SUPT3H: variants seen among roughly 807,000 people sequenced by gnomAD.
SUPT3H encodes the protein transcription initiation protein SPT3 homolog.
A neutral mutation model predicts 44.3 loss-of-function variants in SUPT3H; 44 were observed. That is an observed-to-expected ratio of 0.99 (90% CI 0.78 to 1.28). The LOEUF (loss-of-function observed/expected upper bound fraction) is 1.28, where lower values mean the gene tolerates loss of function less well. Among genes scored for constraint, SUPT3H ranks in the 50% most tolerant of loss-of-function variants. The pLI, the probability that SUPT3H is intolerant of heterozygous loss-of-function variation, is 0.00. For missense variants in SUPT3H, 380 were observed against 387.1 expected (o/e 0.98, Z 0.15); for synonymous variants, 124 against 125.6 (o/e 0.99, Z 0.09).
At chr6:45,150,884 G>C (rs368333049) in intron 2 of SUPT3H, among the ~76,000 whole-genome samples, 1 of 151,780 alleles carries the variant, frequency 6.6e-6, no homozygotes, top group Admixed American at 6.6e-5. Context: ...CACCATGCCC[G>C]GCTAGTTTTT....
At chr6:45,373,905 A>G (rs903775174) in intron 1 of SUPT3H, among the ~76,000 whole-genome samples, 2 of 152,232 alleles carry the variant, frequency 1.3e-5, no homozygotes, top group East Asian at 1.9e-4. Context: ...AATAGTGCCT[A>G]TTATACACTA....
At chr6:44,894,254 T>C (rs1178022200) in intron 10 of SUPT3H, among the ~76,000 whole-genome samples, 1 of 150,656 alleles carries the variant, frequency 6.6e-6, no homozygotes, top group Non-Finnish European at 1.5e-5. Context: ...ATTTTGGCTT[T>C]TGTTGCCATT....
chr6:44,921,883 G>T (rs569305089), intron 10 of SUPT3H, among the ~76,000 whole-genome samples: 40 of 152,300 alleles, frequency 2.6e-4, no homozygotes, highest in South Asian at 1.9e-3. Context: ...CACCAGAGAG[G>T]CACAGCAGCC....
At chr6:45,242,423 A>G (rs770347903) in intron 2 of SUPT3H, among the ~76,000 whole-genome samples, 1 of 152,188 alleles carries the variant, frequency 6.6e-6, no homozygotes, top group Non-Finnish European at 1.5e-5. Context: ...CTAAGTTGAA[A>G]ATGCATAAAG....
intron 2 of SUPT3H, among the ~76,000 whole-genome samples, chr6:45,233,969 A>G (rs1250468228): frequency 6.6e-6 from 1 of 152,226 alleles, no homozygotes; most frequent in Non-Finnish European, 1.5e-5. Flanking sequence ...TACTAAAAAC[A>G]ACTAAAATGG....
chr6:45,120,437 AAAAAG>A (rs1489331317), intron 2 of SUPT3H, among the ~76,000 whole-genome samples: 2 of 148,784 alleles, frequency 1.3e-5, no homozygotes, highest in African/African-American at 4.9e-5. Context: ...AAAAAAAAAA[AAAAAG>A]ACTATATAAG....
At chr6:45,092,940 G>A (rs894670594) in intron 3 of SUPT3H, among the ~76,000 whole-genome samples, 2 of 151,858 alleles carry the variant, frequency 1.3e-5, no homozygotes, top group African/African-American at 4.8e-5. Context: ...ATGTGAGAAC[G>A]ACTAGAATTG....
chr6:45,236,233 C>A (rs76586814), intron 2 of SUPT3H, among the ~76,000 whole-genome samples: 1 of 152,062 alleles, frequency 6.6e-6, no homozygotes, highest in Non-Finnish European at 1.5e-5. Context: ...CTGGTCTCGG[C>A]AAGTGGAACC....
intron 2 of SUPT3H, among the ~76,000 whole-genome samples, chr6:45,120,417 TAA>T (rs71687494): frequency 0.034 from 1,720 of 50,350 alleles, 45 homozygotes; most frequent in Non-Finnish European, 0.052. Context: ...AGACCTTGTC[TAA>T]AAAAAAAAAA....
At chr6:45,213,136 T>G (rs1230400937) in intron 2 of SUPT3H, among the ~76,000 whole-genome samples, 1 of 152,070 alleles carries the variant, frequency 6.6e-6, no homozygotes, top group Non-Finnish European at 1.5e-5. Flanking sequence ...TCCTGAAGAG[T>G]GACATGAGTC....
intron 10 of SUPT3H, among the ~76,000 whole-genome samples, chr6:44,882,423 C>A (rs1322622564): frequency 3.3e-5 from 5 of 152,084 alleles, no homozygotes; most frequent in Non-Finnish European, 5.9e-5. Context: ...AGTCCAGGAC[C>A]AGATGGATTC....
chr6:44,865,546 T>TA (rs1171628693), intron 10 of SUPT3H, among the ~76,000 whole-genome samples: 2 of 152,178 alleles, frequency 1.3e-5, no homozygotes, highest in Non-Finnish European at 2.9e-5. Flanking sequence ...AGGCATGTCT[T>TA]ACATTGCAGC....
At chr6:45,049,964 T>C (rs535756628) in intron 3 of SUPT3H, among the ~76,000 whole-genome samples, 158 of 152,250 alleles carry the variant, frequency 1.0e-3, no homozygotes, top group African/African-American at 3.6e-3. Context: ...GACAGTAAGA[T>C]AAATATTTGG....
intron 6 of SUPT3H, among the ~76,000 whole-genome samples, chr6:44,976,905 A>G (rs9472412): frequency 0.12 from 17,824 of 152,230 alleles, 1,226 homozygotes; most frequent in African/African-American, 0.19. Flanking sequence ...CTCTGCAATC[A>G]TAAGTGCAAA....
intron 10 of SUPT3H, among the ~76,000 whole-genome samples, chr6:44,888,865 C>A (rs1334763765): frequency 6.8e-6 from 1 of 146,480 alleles, no homozygotes; most frequent in Non-Finnish European, 1.5e-5. Context: ...ATCTAGAAAA[C>A]CCCATCGTCT....
At chr6:45,090,351 TA>T (rs1365961022) in intron 3 of SUPT3H, among the ~76,000 whole-genome samples, 1 of 152,088 alleles carries the variant, frequency 6.6e-6, no homozygotes, top group African/African-American at 2.4e-5. Flanking sequence ...CTGACATAGA[TA>T]AATAACTTCA....
intron 10 of SUPT3H, among the ~76,000 whole-genome samples, chr6:44,898,350 C>T (rs893353512): frequency 2.0e-5 from 3 of 152,192 alleles, no homozygotes; most frequent in Non-Finnish European, 4.4e-5. Flanking sequence ...CCTTGGTCTC[C>T]TGGATTGCTT....
intron 2 of SUPT3H, among the ~76,000 whole-genome samples, chr6:45,310,911 G>C (rs574072638): frequency 6.6e-6 from 1 of 152,226 alleles, no homozygotes; most frequent in African/African-American, 2.4e-5. Flanking sequence ...CACCAGCAAT[G>C]GATCCAAACC....
intron 2 of SUPT3H, among the ~76,000 whole-genome samples, chr6:45,258,874 A>C (rs1773859852): frequency 6.6e-6 from 1 of 152,196 alleles, no homozygotes; most frequent in Non-Finnish European, 1.5e-5. Flanking sequence ...TATCCCTTCC[A>C]ATAAAATGTC....
Sources: gnomAD v4.1 joint callset for allele counts (sites outside exome capture counted in the v4.1 genomes callset) on GRCh38, gnomAD v4.1.1 for gene constraint, MANE v1.5 for transcripts, NCBI Gene and HGNC (gene_info 2026-07-23, HGNC 2026-07-21) for gene names.